The following DLGAP4 variants were observed in gnomAD, a reference collection of about 807,000 sequenced individuals.
The protein encoded by DLGAP4 is disks large-associated protein 4.
A neutral mutation model predicts 86.9 loss-of-function variants in DLGAP4; 18 were observed. The observed-to-expected ratio is 0.21, with a 90% CI of 0.14 to 0.31. The LOEUF (loss-of-function observed/expected upper bound fraction) is 0.31. Ranked by LOEUF, DLGAP4 falls within the 10% of genes least tolerant of loss-of-function variation. The pLI, the probability that DLGAP4 is intolerant of heterozygous loss-of-function variation, is 1.00. For missense variants in DLGAP4, 1,085 were observed against 1,362.6 expected, an observed-to-expected ratio of 0.80 and a Z score of 3.21; for synonymous variants, 548 against 574.3, an observed-to-expected ratio of 0.95 and a Z score of 0.65.
Position 36,525,886 on chromosome 20 carries a change from C to T in DLGAP4, c.2640C>T (p.Asp880=), listed in dbSNP as rs762411898. 12 of 1,613,706 alleles carry T rather than the reference C, an allele frequency of 7.4e-6. No homozygotes were observed. Among genetic ancestry groups the T allele is most frequent in the South Asian group, 4.4e-5 (4 of 91,060 alleles). Reference sequence around the variant, plus strand: ...CCAACCCACGCCCCACAGCCCAGGACCTGGCAGGGTTCTGGGACCTGCTAC... The same window carrying T: ...CCAACCCACGCCCCACAGCCCAGGATCTGGCAGGGTTCTGGGACCTGCTAC... ...PDANPRPTAQ[D]LAGFWDLLQL... Residue 880 remains aspartate, a synonymous_variant, in exon 12 of 13, where the codon GAC becomes GAT. Transcript: ENST00000339266.
chr20:36,346,087 A>T (rs2029927749), intron 1 of DLGAP4, among the ~76,000 whole-genome samples: 3 of 151,760 alleles, frequency 2.0e-5, no homozygotes, highest in Non-Finnish European at 4.4e-5. Flanking sequence ...GCAGACAATG[A>T]CCTCTCACCT....
chr20:36,380,682 G>T (rs2031358519), intron 2 of DLGAP4, among the ~76,000 whole-genome samples: 1 of 146,456 alleles, frequency 6.8e-6, no homozygotes, highest in Non-Finnish European at 1.5e-5. Context: ...AGGCAGGCAG[G>T]CAAGCCAGGG....
chr20:36,510,042 G>C (rs141333093), intron 10 of DLGAP4, among the ~76,000 whole-genome samples: 356 of 151,830 alleles, frequency 2.3e-3, no homozygotes, highest in Non-Finnish European at 3.0e-3. Flanking sequence ...TTTTAGTGTT[G>C]GTCAGGCTGG....
chr20:36,504,417 T>C (rs2147788606), intron 10 of DLGAP4, among the ~76,000 whole-genome samples: 1 of 152,362 alleles, frequency 6.6e-6, no homozygotes, highest in Non-Finnish European at 1.5e-5. Flanking sequence ...TGTTCATCTG[T>C]TGCTGGGCAC....
intron 10 of DLGAP4, among the ~76,000 whole-genome samples, chr20:36,503,479 CTTTT>C (rs982287997): frequency 7.3e-5 from 8 of 109,906 alleles, no homozygotes; most frequent in East Asian, 7.1e-4. Context: ...CATATATGGC[CTTTT>C]TTTTTTTTTT....
intron 2 of DLGAP4, among the ~76,000 whole-genome samples, chr20:36,386,073 C>T (rs554750667): frequency 2.8e-4 from 43 of 152,232 alleles, no homozygotes; most frequent in Admixed American, 7.8e-4. Context: ...CTCGGCACCA[C>T]CAGCCAGCCT....
At chr20:36,526,230 G>T in intron 12 of DLGAP4, 1 of 646,604 alleles carries the variant, frequency 1.5e-6, no homozygotes, top group Non-Finnish European at 2.7e-6. Flanking sequence ...TGCCCTGCAT[G>T]TCCAGAAAAG....
intron 7 of DLGAP4, among the ~76,000 whole-genome samples, chr20:36,467,886 C>T (rs1367534393): frequency 6.6e-6 from 1 of 152,210 alleles, no homozygotes; most frequent in African/African-American, 2.4e-5. Context: ...GATGGACTTC[C>T]CATCCCTGTT....
At chr20:36,378,201 C>T (rs997079406) in intron 2 of DLGAP4, among the ~76,000 whole-genome samples, 4 of 152,248 alleles carry the variant, frequency 2.6e-5, no homozygotes, top group South Asian at 2.1e-4. Context: ...CGGTAGATAC[C>T]AAGCTCCAGA....
At chr20:36,497,409 T>A in intron 8 of DLGAP4, 1 of 1,143,858 alleles carries the variant, frequency 8.7e-7, no homozygotes. Flanking sequence ...AGCTGACCCG[T>A]GGGAGGCGGG....
intron 7 of DLGAP4, among the ~76,000 whole-genome samples, chr20:36,467,009 C>T (rs576994372): frequency 7.4e-6 from 1 of 134,512 alleles, no homozygotes; most frequent in Non-Finnish European, 1.6e-5. Context: ...CTCTCTCTCT[C>T]TCTCTCTCCT....
At chr20:36,429,334 C>T (rs2033064327) in intron 2 of DLGAP4, among the ~76,000 whole-genome samples, 1 of 151,480 alleles carries the variant, frequency 6.6e-6, no homozygotes, top group African/African-American at 2.4e-5. Flanking sequence ...CTGCCTTGGC[C>T]TCCAAAAGTG....
intron 7 of DLGAP4, chr20:36,493,063 G>A (rs2035736589): frequency 6.6e-6 from 1 of 150,760 alleles, no homozygotes; most frequent in African/African-American, 2.4e-5. Context: ...CACAGGCCCA[G>A]TTGTGTCTGT....
At chr20:36,397,993 C>T (rs1029186423) in intron 2 of DLGAP4, among the ~76,000 whole-genome samples, 4 of 152,068 alleles carry the variant, frequency 2.6e-5, no homozygotes, top group Non-Finnish European at 4.4e-5. Flanking sequence ...TGGTGGCGGG[C>T]GCCTGTAATC....
At chr20:36,334,823 C>T (rs1301946154) in intron 1 of DLGAP4, among the ~76,000 whole-genome samples, 2 of 152,052 alleles carry the variant, frequency 1.3e-5, no homozygotes, top group African/African-American at 4.8e-5. Context: ...AGCTGGGTCG[C>T]CGGCACAGGG....
chr20:36,360,832 A>T (rs1174474892), intron 1 of DLGAP4, among the ~76,000 whole-genome samples: 1 of 150,764 alleles, frequency 6.6e-6, no homozygotes, highest in Non-Finnish European at 1.5e-5. Flanking sequence ...TGAGTGAATC[A>T]TGGTGTCATC....
At chr20:36,478,838 C>G (rs928650387) in intron 7 of DLGAP4, among the ~76,000 whole-genome samples, 1 of 152,168 alleles carries the variant, frequency 6.6e-6, no homozygotes, top group African/African-American at 2.4e-5. Context: ...CTCCTTTTTC[C>G]TTAGTAGCAC....
At chr20:36,382,152 A>G (rs781558664) in intron 2 of DLGAP4, among the ~76,000 whole-genome samples, 4 of 152,210 alleles carry the variant, frequency 2.6e-5, no homozygotes, top group Non-Finnish European at 5.9e-5. Flanking sequence ...TTGAGGGCAG[A>G]GATCTGGTTT....
rs1357330532 is a variant in DLGAP4 at position 36,313,937 on chromosome 20, C to A, written c.-304+7425C>A. 2.6e-5 allele frequency among the ~76,000 whole-genome samples: 4 copies of A among 152,142 alleles called. No individual in the cohort carries two copies. The East Asian group carries it at 7.7e-4, about 29-fold the overall frequency. The stretch of plus-strand genomic sequence containing the variant: ...GGAGGTGATGTTGGGGTTGCCTTAC[C>A]CTTCTCTGAGCCCCACCTGGTACTG... On this transcript the variant is annotated intron_variant, in intron 1 of 12. Transcript: ENST00000339266.
Sources: allele counts gnomAD v4.1 joint callset (sites outside exome capture counted in the v4.1 genomes callset), GRCh38; gene constraint gnomAD v4.1.1; transcripts MANE v1.5; gene names NCBI Gene and HGNC (gene_info 2026-07-23, HGNC 2026-07-21).